The following KAZN variants were observed in gnomAD, a reference collection of about 807,000 sequenced individuals.
KAZN encodes kazrin.
In KAZN, 40 loss-of-function variants were observed where a neutral mutation model predicts 87.4. The ratio of observed to expected loss-of-function variants is 0.46; its 90% confidence interval spans 0.36 to 0.60. KAZN has a LOEUF of 0.60. Among genes scored for constraint, KAZN ranks in the 20% least tolerant of loss-of-function variants. KAZN has a pLI of 0.00. For synonymous variants in KAZN, 466 were observed against 458.3 expected (o/e 1.02, Z -0.22); for missense variants, 898 against 1,073.9 (o/e 0.84, Z 2.29).
intron 2 of KAZN, among the ~76,000 whole-genome samples, chr1:14,454,206 G>T (rs1318956020): frequency 6.6e-6 from 1 of 152,170 alleles, no homozygotes; most frequent in African/African-American, 2.4e-5. Flanking sequence ...AGAGGGGTTT[G>T]ATTGTTATTT....
chr1:14,862,027 C>A (rs897311181), intron 1 of KAZN, among the ~76,000 whole-genome samples: 1 of 152,142 alleles, frequency 6.6e-6, no homozygotes, highest in African/African-American at 2.4e-5. Context: ...TTATTTAAAC[C>A]AATTTGGGTT....
chr1:15,107,578 C>CT (rs1443093693), intron 13 of KAZN, among the ~76,000 whole-genome samples: 2 of 152,226 alleles, frequency 1.3e-5, no homozygotes, highest in East Asian at 3.8e-4. Context: ...TAATCACTAT[C>CT]TGCCACCCAA....
intron 1 of KAZN, among the ~76,000 whole-genome samples, chr1:14,020,261 C>T (rs1440823430): frequency 6.6e-6 from 1 of 152,072 alleles, no homozygotes; most frequent in Non-Finnish European, 1.5e-5. Context: ...GCTGTGTGGC[C>T]CAGTTCCTAA....
At chr1:14,943,427 T>A (rs1441060233) in intron 1 of KAZN, among the ~76,000 whole-genome samples, 1 of 152,146 alleles carries the variant, frequency 6.6e-6, no homozygotes, top group Non-Finnish European at 1.5e-5. Flanking sequence ...AGGATTTACA[T>A]CAGAGATTCC....
At chr1:14,120,297 T>G (rs1644723220) in intron 1 of KAZN, among the ~76,000 whole-genome samples, 1 of 151,984 alleles carries the variant, frequency 6.6e-6, no homozygotes, top group Non-Finnish European at 1.5e-5. Flanking sequence ...TGCCGTGCAC[T>G]CTTTTAAACA....
At chr1:15,013,903 G>T (rs1669834884) in intron 2 of KAZN, among the ~76,000 whole-genome samples, 1 of 152,150 alleles carries the variant, frequency 6.6e-6, no homozygotes, top group South Asian at 2.1e-4. Context: ...GAGTGGATGG[G>T]AAGTGCAAAG....
Position 14,759,339 on chromosome 1 carries a change from G to A in KAZN, c.226+160116G>A, listed in dbSNP as rs1034890021. 9.9e-5 allele frequency among the ~76,000 whole-genome samples: 15 copies of A among 152,264 alleles called. No individual in the cohort carries two copies. The East Asian group carries it at 1.7e-3, about 18-fold the overall frequency. ...AGAGTGAGAAAAATCAATTTCCACTGTCCACGGAAGGTTGTTTGATTTATT... is the reference window on the plus strand; with the variant it reads ...AGAGTGAGAAAAATCAATTTCCACTATCCACGGAAGGTTGTTTGATTTATT... On this transcript the variant is annotated intron_variant, in intron 1 of 14. Transcript: ENST00000376030.
At chr1:14,434,488 A>C (rs72870880) in intron 2 of KAZN, among the ~76,000 whole-genome samples, 176 of 152,312 alleles carry the variant, frequency 1.2e-3, no homozygotes, top group African/African-American at 4.2e-3. Context: ...ATGACACATC[A>C]TTTCTAGTGA....
rs1173318898 is a variant in KAZN at position 14,239,492 on chromosome 1, C to A, written c.249+58900C>A. On this transcript the variant is annotated intron_variant, in intron 2 of 16. Coordinates refer to the KAZN transcript ENST00000636203. ...TTTTTTTTTTTGAGGTGGAGTTTCA[C>A]TCTTGTTGCCCAGGCTGGAGTGCAA... Among the ~76,000 whole-genome samples, 13 of 111,386 alleles carry A rather than the reference C, an allele frequency of 1.2e-4. No individual in the cohort carries two copies. The Admixed American group carries it at 1.6e-3, about 14-fold the overall frequency. 73.1% of individuals were successfully genotyped at this position (111,386 alleles called of 152,430 possible).
chr1:14,663,678 G>C (rs988110099), intron 1 of KAZN, among the ~76,000 whole-genome samples: 2 of 152,198 alleles, frequency 1.3e-5, no homozygotes, highest in African/African-American at 4.8e-5. Flanking sequence ...AATCACAAGT[G>C]CTGATGAGGA....
intron 2 of KAZN, among the ~76,000 whole-genome samples, chr1:14,285,484 A>C (rs2100729593): frequency 6.6e-6 from 1 of 152,292 alleles, no homozygotes; most frequent in Non-Finnish European, 1.5e-5. Flanking sequence ...CTCTAGGGTG[A>C]GATAGCATGT....
intron 1 of KAZN, among the ~76,000 whole-genome samples, chr1:14,883,342 G>GAGAGAGAGAGAGAGAGAGAGAAAGA (rs1377953212): frequency 6.0e-5 from 2 of 33,462 alleles, no homozygotes; most frequent in Non-Finnish European, 1.2e-4. Context: ...GAGAGAGAGA[G>GAGAGAGAGAGAGAGAGAGAGAAAGA]AAAGAAAGAA....
At chr1:15,002,228 C>T (rs1241432313) in intron 2 of KAZN, among the ~76,000 whole-genome samples, 9 of 152,100 alleles carry the variant, frequency 5.9e-5, no homozygotes, top group Admixed American at 2.0e-4. Context: ...TTCTCCCAGC[C>T]GAGGCTGGCC....
intron 1 of KAZN, among the ~76,000 whole-genome samples, chr1:13,966,759 G>A (rs1271331495): frequency 6.6e-6 from 1 of 152,140 alleles, no homozygotes; most frequent in Non-Finnish European, 1.5e-5. Context: ...TATAATATAT[G>A]GCATTAGGAA....
intron 1 of KAZN, among the ~76,000 whole-genome samples, chr1:14,064,016 A>G (rs1264696877): frequency 6.6e-6 from 1 of 152,142 alleles, no homozygotes; most frequent in Non-Finnish European, 1.5e-5. Flanking sequence ...TCTTGGGTTC[A>G]AGCAATTCTC....
chr1:15,089,732 CAAA>C (rs56260619), intron 8 of KAZN, among the ~76,000 whole-genome samples: 181 of 68,878 alleles, frequency 2.6e-3, no homozygotes, highest in African/African-American at 8.4e-3. Flanking sequence ...CTTTTATTGG[CAAA>C]AAAAAAAAAA....
chr1:14,808,062 G>C (rs1412649383), intron 1 of KAZN, among the ~76,000 whole-genome samples: 1 of 152,146 alleles, frequency 6.6e-6, no homozygotes, highest in Non-Finnish European at 1.5e-5. Flanking sequence ...GTCCCACCTG[G>C]GGTGGCAGTG....
At chr1:14,126,556 A>C (rs560160359) in intron 1 of KAZN, among the ~76,000 whole-genome samples, 1 of 152,238 alleles carries the variant, frequency 6.6e-6, no homozygotes, top group African/African-American at 2.4e-5. Flanking sequence ...CAAAGGTCTC[A>C]TTTGAATTTT....
chr1:14,842,361 G>A (rs893806553), intron 1 of KAZN, among the ~76,000 whole-genome samples: 5 of 152,130 alleles, frequency 3.3e-5, no homozygotes, highest in Admixed American at 6.5e-5. Context: ...TAATAGACAC[G>A]CAGGATCAAG....
Sources: allele counts gnomAD v4.1 joint callset (sites outside exome capture counted in the v4.1 genomes callset), GRCh38; gene constraint gnomAD v4.1.1; transcripts MANE v1.5; gene names NCBI Gene and HGNC (gene_info 2026-07-23, HGNC 2026-07-21).